Variants in PPP4R2 observed in about 807,000 individuals in gnomAD.
PPP4R2 encodes the protein protein phosphatase 4 regulatory subunit 2, also known as serine/threonine-protein phosphatase 4 regulatory subunit 2.
In PPP4R2, 13 loss-of-function variants were observed where a neutral mutation model predicts 47.2. The observed-to-expected ratio is 0.28, with a 90% confidence interval of 0.18 to 0.44. PPP4R2 has a LOEUF of 0.44. PPP4R2 is among the 20% of genes least tolerant of loss of function. The pLI, the probability that PPP4R2 is intolerant of heterozygous loss-of-function variation, is 1.00. For synonymous variants in PPP4R2, 151 were observed against 163.3 expected (o/e 0.92, Z 0.57); for missense variants, 421 against 491.2 (o/e 0.86, Z 1.35).
At position 73,066,239 on chromosome 3, in the gene PPP4R2, CATATATATATAT is replaced by C. The variant is rs148662984; in HGVS notation, c.*529_*540del. The stretch of plus-strand genomic sequence containing the variant: ...TGGAACTTTAAGTCATATATACATA[CATATATATATAT>C]ATATATATATAATTCTAAGGGGGGA... On this transcript the variant is annotated 3_prime_UTR_variant, in exon 9 of 9. Transcript: ENST00000356692. The C allele has an allele frequency of 1.5e-5, 2 of 134,118 alleles. No homozygotes were observed. Among genetic ancestry groups the C allele is most frequent in the Non-Finnish European group, 3.2e-5 (2 of 62,778 alleles). 8.3% of individuals were successfully genotyped at this position (134,118 alleles called of 1,614,324 possible).
chr3:73,056,506 TTTGG>T (rs1329269793), intron 3 of PPP4R2, among the ~76,000 whole-genome samples: 1 of 152,078 alleles, frequency 6.6e-6, no homozygotes, highest in Non-Finnish European at 1.5e-5. Context: ...GCAGAAAGTG[TTTGG>T]TTGGGATTTA....
In PPP4R2 at chr3:72,997,908, A is replaced by T. The variant is rs908335207; in HGVS notation, c.35-169A>T. On this transcript the variant is annotated intron_variant, in intron 1 of 8. Transcript: ENST00000356692. Reference sequence around the variant, plus strand: ...TCTTGTTATCTGTAAAGAGGGTGACATGTTGGAAGTAGAACTTGGAGGATT... The same window carrying T: ...TCTTGTTATCTGTAAAGAGGGTGACTTGTTGGAAGTAGAACTTGGAGGATT... Among the ~76,000 whole-genome samples the T allele has an allele frequency of 2.6e-5, 4 of 152,184 alleles. No individual in the cohort carries two copies. The South Asian group carries it at 6.2e-4, about 24-fold the overall frequency.
chr3:73,027,854 G>A (rs1320662640), intron 2 of PPP4R2: 1 of 150,862 alleles, frequency 6.6e-6, no homozygotes, highest in Non-Finnish European at 1.5e-5. Flanking sequence ...TTTCTGGGAG[G>A]TCTTTACCAG....
At chr3:73,038,191 G>A (rs1702302524) in intron 2 of PPP4R2, among the ~76,000 whole-genome samples, 1 of 152,104 alleles carries the variant, frequency 6.6e-6, no homozygotes, top group Admixed American at 6.6e-5. Context: ...CTAGTTTCAG[G>A]GAGGAAGGTA....
At chr3:73,064,707 T>C (rs1194804876) in intron 7 of PPP4R2, 145 bp from the exon 8 acceptor site, 2 of 729,400 alleles carry the variant, frequency 2.7e-6, no homozygotes, top group Non-Finnish European at 4.5e-6. Flanking sequence ...CTTGAAATTA[T>C]TCTCTTGTGT....
rs10663655 is a variant in PPP4R2 at position 73,055,417 on chromosome 3, C to CGTGTGTGTGTGTGTGTGT, written c.288-3599_288-3582dup. ...TGAGTAAGGTCTCCTAGTGGGGTAG[C>CGTGTGTGTGTGTGTGTGT]GTGTGTGTGTGTGTGTGTGTGTGTG... On this transcript the variant is annotated intron_variant, in intron 3 of 8. Transcript: ENST00000356692. 1.6e-3 allele frequency among the ~76,000 whole-genome samples: 223 copies of CGTGTGTGTGTGTGTGTGT among 137,410 alleles called. 2 individuals carry two copies. Among genetic ancestry groups the CGTGTGTGTGTGTGTGTGT allele is most frequent in the Middle Eastern group, 6.9e-3 (2 of 290 alleles). 90.1% of individuals were successfully genotyped at this position (137,410 alleles called of 152,430 possible). A position where few individuals can be genotyped will look rare whatever the true frequency, so the allele number is the denominator to read the frequency against.
chr3:73,007,771 G>C (rs779461790), intron 2 of PPP4R2, among the ~76,000 whole-genome samples: 3 of 152,196 alleles, frequency 2.0e-5, no homozygotes, highest in African/African-American at 4.8e-5. Context: ...TAACAGGTGT[G>C]AGCCACCGCG....
chr3:73,018,364 C>T (rs1432023967), intron 2 of PPP4R2, among the ~76,000 whole-genome samples: 1 of 122,782 alleles, frequency 8.1e-6, no homozygotes, highest in Admixed American at 7.7e-5. Context: ...AGTCTTGGAA[C>T]CAGTTCCTAA....
Position 73,068,900 on chromosome 3 carries a change from TCTG to T in PPP4R2, c.*3179_*3181del, listed in dbSNP as rs1231498797. On this transcript the variant is annotated 3_prime_UTR_variant, in exon 9 of 9. Transcript: ENST00000356692. ...TTTTCGGTAGTGTTTCAAATTGTCT[TCTG>T]AACAGGAATTTAACATTGGTTTTGA... is the stretch of plus-strand genomic sequence containing the variant. The T allele has an allele frequency of 2.8e-5, 4 of 141,924 alleles. No homozygotes were observed. Among genetic ancestry groups the T allele is most frequent in the Admixed American group, 1.4e-4 (2 of 14,048 alleles). The allele number at this position is 141,924 out of a possible 1,614,324, so 8.8% of individuals were successfully genotyped here. A position where few individuals can be genotyped will look rare whatever the true frequency, so the allele number is the denominator to read the frequency against.
At chr3:73,057,498 T>G (rs1702751736) in intron 3 of PPP4R2, among the ~76,000 whole-genome samples, 1 of 152,134 alleles carries the variant, frequency 6.6e-6, no homozygotes, top group Non-Finnish European at 1.5e-5. Context: ...CATTTAATCT[T>G]TTATTCTGTG....
intron 2 of PPP4R2, among the ~76,000 whole-genome samples, chr3:73,025,473 T>C (rs1041851601): frequency 6.6e-6 from 1 of 152,138 alleles, no homozygotes; most frequent in Non-Finnish European, 1.5e-5. Flanking sequence ...ACCTCATCTT[T>C]ATAAGGAAAA....
intron 3 of PPP4R2, among the ~76,000 whole-genome samples, chr3:73,051,744 G>C (rs933621450): frequency 1.8e-4 from 27 of 152,076 alleles, no homozygotes; most frequent in African/African-American, 5.8e-4. Flanking sequence ...TCCTGCCTCA[G>C]CCTCCCCAGT....
intron 2 of PPP4R2, among the ~76,000 whole-genome samples, chr3:73,001,717 C>T (rs955381856): frequency 6.6e-6 from 1 of 152,146 alleles, no homozygotes; most frequent in Non-Finnish European, 1.5e-5. Context: ...CGGCTCACTT[C>T]ATCCCCCACC....
chr3:73,058,795 T>A (rs1217770062), intron 3 of PPP4R2, among the ~76,000 whole-genome samples: 1 of 76,494 alleles, frequency 1.3e-5, no homozygotes, highest in African/African-American at 5.0e-5. Flanking sequence ...CCCCCCTCCC[T>A]CCCCCCCCAC....
chr3:72,997,303 G>A (rs1701368715), intron 1 of PPP4R2: 1 of 399,278 alleles, frequency 2.5e-6, no homozygotes, highest in Non-Finnish European at 4.5e-6. Flanking sequence ...GAGGGGAGCC[G>A]GGGAAACTCT....
intron 2 of PPP4R2, among the ~76,000 whole-genome samples, chr3:73,035,894 G>A (rs1181955904): frequency 2.0e-5 from 3 of 152,200 alleles, no homozygotes; most frequent in Non-Finnish European, 4.4e-5. Flanking sequence ...GGGATTACAG[G>A]CATGAGCCAC....
intron 2 of PPP4R2, among the ~76,000 whole-genome samples, chr3:73,002,351 A>G (rs534453870): frequency 1.3e-5 from 2 of 152,342 alleles, no homozygotes; most frequent in South Asian, 4.1e-4. Context: ...CTTAGGCTCA[A>G]GGGATCCTCT....
intron 3 of PPP4R2, among the ~76,000 whole-genome samples, chr3:73,058,731 A>C (rs1366974801): frequency 1.3e-5 from 2 of 152,052 alleles, no homozygotes; most frequent in African/African-American, 4.8e-5. Flanking sequence ...CTGTTGTGCT[A>C]TCAAATACTA....
At chr3:73,030,714 T>C (rs1467793741) in intron 2 of PPP4R2, among the ~76,000 whole-genome samples, 2 of 151,910 alleles carry the variant, frequency 1.3e-5, no homozygotes, top group Admixed American at 6.6e-5. Flanking sequence ...TCTTTTTTTC[T>C]TTTTTTGAGA....
Sources: gnomAD v4.1 joint callset for allele counts (sites outside exome capture counted in the v4.1 genomes callset) on GRCh38, gnomAD v4.1.1 for gene constraint, MANE v1.5 for transcripts, NCBI Gene and HGNC (gene_info 2026-07-23, HGNC 2026-07-21) for gene names.